The following HOXC10 variants were observed in gnomAD, a reference collection of about 807,000 sequenced individuals.
HOXC10 encodes the protein homeobox protein Hox-C10.
HOXC10 carries 15 observed loss-of-function variants against 26.0 expected under a neutral mutation model. That is an observed-to-expected ratio of 0.58 (90% CI 0.39 to 0.89). The LOEUF (loss-of-function observed/expected upper bound fraction) is 0.89. Among genes scored for constraint, HOXC10 ranks in the 40% least tolerant of loss-of-function variants. The pLI is 0.00. For missense variants in HOXC10, 446 were observed against 451.9 expected (o/e 0.99, Z 0.12); for synonymous variants, 196 against 185.5 (o/e 1.06, Z -0.46).
chr12:53,989,392 A>G lies in HOXC10; in HGVS notation c.975A>G (p.Lys325=), dbSNP rs1297860606. The G allele has an allele frequency of 6.2e-7, 1 of 1,614,096 alleles. No individual in the cohort carries two copies. Reference sequence around the variant, plus strand: ...AAAATCGCAGAATGAAACTCAAGAAAATGAACCGAGAGAATCGGATCCGGG... The same window carrying G: ...AAAATCGCAGAATGAAACTCAAGAAGATGAACCGAGAGAATCGGATCCGGG... ...WFQNRRMKLK[K]MNRENRIREL... Residue 325 remains lysine (K), a synonymous_variant, in exon 2 of 2, where the codon AAA becomes AAG. Transcript: ENST00000303460.
At chr12:53,986,629 CCCTCCCT>C (rs1565719440) in intron 1 of HOXC10, 1 of 152,276 alleles carries the variant, frequency 6.6e-6, no homozygotes. Context: ...CCCGCCACGT[CCCTCCCT>C]CCTCCAGATG....
chr12:53,989,178 A>G lies in HOXC10; in HGVS notation c.761A>G (p.Lys254Arg). 2 of 1,602,588 alleles carry G rather than the reference A, an allele frequency of 1.2e-6. No homozygotes were observed. The highest frequency in any genetic ancestry group is 1.1e-5 in the South Asian group (1 of 88,256). ...ATGTTATTTTTAACAGAGGAGATAA[A>G]GGCAGAAAACACCACAGGAAATTGG... The part of the protein sequence containing the change: ...TSDNEAKEEI[K>R]AENTTGNWLT... Residue 254 changes from lysine to arginine, a missense_variant, in exon 2 of 2, where the codon AAG becomes AGG. By Grantham distance (26) the Lys-to-Arg change is conservative (BLOSUM62 2). Transcript: ENST00000303460.
In HOXC10 at chr12:53,989,733, C is replaced by T; in HGVS notation, c.*287C>T. On this transcript the variant is annotated 3_prime_UTR_variant, in exon 2 of 2. Coordinates refer to ENST00000303460, the MANE Select transcript of HOXC10 (RefSeq NM_017409.4). ...TGTGTCAAGCCCTCACTCACCCACG[C>T]ACTCACACACAGCATTCTGTTCTCC... The T allele has an allele frequency of 4.7e-6, 2 of 422,324 alleles. No homozygotes were observed. Among genetic ancestry groups the T allele is most frequent in the Non-Finnish European group, 8.4e-6 (2 of 237,916 alleles). The allele number at this position is 422,324 out of a possible 1,614,324, so 26.2% of individuals were successfully genotyped here.
rs1939425381 is a variant in HOXC10 at position 53,985,858 on chromosome 12, A to C, written c.599A>C (p.Glu200Ala). The change falls in exon 1 of 2, where the codon GAG becomes GCG. Residue 200 changes from glutamate (E) to alanine (A), a missense_variant. Transcript: ENST00000303460. Reference sequence around the variant, plus strand: ...CTGGGGGGCAAAGTGAGTTTCCCTGAGACCCCCAAGTCCGACAGCCAGACC... The same window carrying C: ...CTGGGGGGCAAAGTGAGTTTCCCTGCGACCCCCAAGTCCGACAGCCAGACC... ...PQLGGKVSFP[E>A]TPKSDSQTPS... 1 of 1,613,668 alleles carries C rather than the reference A, an allele frequency of 6.2e-7. No individual in the cohort carries two copies. Among genetic ancestry groups the C allele is most frequent in the Non-Finnish European group, 8.5e-7 (1 of 1,180,012 alleles).
In HOXC10 at chr12:53,985,511, C is replaced by A; in HGVS notation, c.252C>A (p.Ala84=). Residue 84 remains alanine, a synonymous_variant, in exon 1 of 2, where the codon GCC becomes GCA. Coordinates refer to ENST00000303460, the MANE Select transcript of HOXC10 (RefSeq NM_017409.4). ...TGGACTCCTGGGGCGACCCCAAAGC[C>A]GCCTATCGCCTGGAACAACCTGTTG... ...SQLDSWGDPK[A]AYRLEQPVGR... The A allele has an allele frequency of 6.2e-7, 1 of 1,613,868 alleles. No homozygotes were observed. The highest frequency in any genetic ancestry group is 2.2e-5 in the East Asian group (1 of 44,872).
In HOXC10 at chr12:53,989,460, C is replaced by T. The variant is rs754678586; in HGVS notation, c.*14C>T. On this transcript the variant is annotated 3_prime_UTR_variant, in exon 2 of 2. Coordinates refer to ENST00000303460, the MANE Select transcript of HOXC10 (RefSeq NM_017409.4). ...AATTTCACCTGAGAGCGCGGCCTCT[C>T]CTCCTCCCTTCCCGCTCCTTCCTCT... The T allele has an allele frequency of 2.2e-5, 35 of 1,603,932 alleles. No homozygotes were observed. Among genetic ancestry groups the T allele is most frequent in the Non-Finnish European group, 2.8e-5 (33 of 1,174,018 alleles).
intron 1 of HOXC10, 28 bp from the exon 2 acceptor site, chr12:53,989,141 C>G (rs769506261): frequency 6.3e-7 from 1 of 1,577,666 alleles, no homozygotes; most frequent in Non-Finnish European, 8.6e-7. Flanking sequence ...TCGAGGGATA[C>G]TTATGTAAAT....
rs1229680923 is a variant in HOXC10 at position 53,985,312 on chromosome 12, C to G, written c.53C>G (p.Ala18Gly). Reference protein sequence around the residue: ...TPNSYAEPLAAPGGGERYSRS... With the variant: ...TPNSYAEPLAGPGGGERYSRS... ...AACTCGTACGCGGAGCCCTTGGCTG[C>G]GCCCGGCGGAGGAGAGCGCTATAGC... Residue 18 changes from alanine (A) to glycine (G), a missense_variant, in exon 1 of 2, where the codon GCG becomes GGG. Coordinates refer to ENST00000303460, the MANE Select transcript of HOXC10 (RefSeq NM_017409.4). 6.3e-7 allele frequency: 1 copy of G among 1,594,402 alleles called. No individual in the cohort carries two copies. Among genetic ancestry groups the G allele is most frequent in the Non-Finnish European group, 8.5e-7 (1 of 1,171,390 alleles).
In HOXC10 at chr12:53,985,339, G is replaced by C. The variant is rs778670503; in HGVS notation, c.80G>C (p.Arg27Pro). ...CCCGGCGGAGGAGAGCGCTATAGCC[G>C]GAGCGCAGGCATGTATATGCAGTCT... ...AAPGGGERYS[R>P]SAGMYMQSGS... The change falls in exon 1 of 2, where the codon CGG (arginine) becomes CCG (proline). Residue 27 changes from arginine to proline, a missense_variant. Coordinates refer to ENST00000303460, the MANE Select transcript of HOXC10 (RefSeq NM_017409.4). 4 of 1,612,674 alleles carry C rather than the reference G, an allele frequency of 2.5e-6. No homozygotes were observed. The highest frequency in any genetic ancestry group is 2.5e-6 in the Non-Finnish European group (3 of 1,179,236).
chr12:53,987,242 A>G (rs1254618460), intron 1 of HOXC10, among the ~76,000 whole-genome samples: 1 of 152,108 alleles, frequency 6.6e-6, no homozygotes, highest in Non-Finnish European at 1.5e-5. Context: ...CCTGTGCCAC[A>G]CTCACGCACA....
intron 1 of HOXC10, chr12:53,986,382 T>G: frequency 5.5e-6 from 1 of 182,968 alleles, no homozygotes; most frequent in Non-Finnish European, 1.1e-5. Flanking sequence ...CCAGCTCAGG[T>G]CAGGGGCTTG....
chr12:53,989,102 A>AG, intron 1 of HOXC10, 67 bp from the exon 2 acceptor site: 2 of 1,448,178 alleles, frequency 1.4e-6, no homozygotes, highest in African/African-American at 2.9e-5. Context: ...AGGCTGGCAA[A>AG]GGCTGCAGCG....
chr12:53,985,594 G>C lies in HOXC10; in HGVS notation c.335G>C (p.Cys112Ser). The C allele has an allele frequency of 6.2e-7, 1 of 1,613,876 alleles. No homozygotes were observed. The highest frequency in any genetic ancestry group is 1.3e-5 in the African/African-American group (1 of 75,064). The change falls in exon 1 of 2, where the codon TGC (cysteine) becomes TCC (serine). Residue 112 changes from cysteine to serine, a missense_variant. Cys to Ser is a moderately radical substitution (Grantham distance 112). Transcript: ENST00000303460. ...PPSVKEENVC[C>S]MYSAEKRAKS... is the part of the protein sequence containing the mutation. ...AGTGTCAAGGAGGAGAATGTCTGCTGCATGTACAGCGCAGAGAAGCGGGCG... is the reference window on the plus strand; with the variant it reads ...AGTGTCAAGGAGGAGAATGTCTGCTCCATGTACAGCGCAGAGAAGCGGGCG...
chr12:53,985,365 G>A lies in HOXC10; in HGVS notation c.106G>A (p.Gly36Arg), dbSNP rs1485696188. The A allele has an allele frequency of 1.2e-6, 2 of 1,613,970 alleles. No individual in the cohort carries two copies. Among genetic ancestry groups the A allele is most frequent in the African/African-American group, 1.3e-5 (1 of 74,940 alleles). The change falls in exon 1 of 2, where the codon GGG becomes AGG. Residue 36 changes from glycine to arginine, a missense_variant. Gly to Arg is a moderately radical substitution (Grantham distance 125). Transcript: ENST00000303460. ...GAGCGCAGGCATGTATATGCAGTCT[G>A]GGAGTGACTTCAATTGCGGGGTGAT... ...SRSAGMYMQSGSDFNCGVMRG... is the reference protein window; with the variant it reads ...SRSAGMYMQSRSDFNCGVMRG...
chr12:53,987,765 AAG>A (rs1314047770), intron 1 of HOXC10, among the ~76,000 whole-genome samples: 2 of 152,096 alleles, frequency 1.3e-5, no homozygotes, highest in African/African-American at 4.8e-5. Flanking sequence ...GGCCAGAGGC[AAG>A]AGAGCTTTTG....
chr12:53,985,209 T>C lies in HOXC10; in HGVS notation c.-51T>C. On this transcript the variant is annotated 5_prime_UTR_variant, in exon 1 of 2. The change abolishes an upstream ATG in the 5' untranslated region. Transcript: ENST00000303460. ...CCTCCCGGATGGGGAAAAAAAAAGA[T>C]GTCAGCTCCTCCGCTGTAGTATTGC... 1 of 1,113,818 alleles carries C rather than the reference T, an allele frequency of 9.0e-7. No individual in the cohort carries two copies. The highest frequency in any genetic ancestry group is 1.1e-6 in the Non-Finnish European group (1 of 902,108). The allele number at this position is 1,113,818 out of a possible 1,614,324, so 69.0% of individuals were successfully genotyped here. A position where few individuals can be genotyped will look rare whatever the true frequency, so the allele number is the denominator to read the frequency against.
chr12:53,989,646 G>T lies in HOXC10; in HGVS notation c.*200G>T. On this transcript the variant is annotated 3_prime_UTR_variant, in exon 2 of 2. Transcript: ENST00000303460. Reference sequence around the variant, plus strand: ...TTCCACTTAAAGCATGAGAAATGGGGTGCCGGGATGTGGGGTGTGGTGTGT... The same window carrying T: ...TTCCACTTAAAGCATGAGAAATGGGTTGCCGGGATGTGGGGTGTGGTGTGT... 1.6e-6 allele frequency: 1 copy of T among 607,450 alleles called. No individual in the cohort carries two copies. 37.6% of individuals were successfully genotyped at this position (607,450 alleles called of 1,614,324 possible).
rs1939406531 is a variant in HOXC10 at position 53,985,149 on chromosome 12, C to A, written c.-111C>A. On this transcript the variant is annotated 5_prime_UTR_variant, in exon 1 of 2. Coordinates refer to ENST00000303460, the MANE Select transcript of HOXC10 (RefSeq NM_017409.4). ...CGGAGCTGATATTTCCCCCCCTCCC[C>A]TTCTTTTTCCTCCCTCCCCTCCAAC... 1 of 780,398 alleles carries A rather than the reference C, an allele frequency of 1.3e-6. No homozygotes were observed. The highest frequency in any genetic ancestry group is 2.8e-5 in the Admixed American group (1 of 36,160). 48.3% of individuals were successfully genotyped at this position (780,398 alleles called of 1,614,324 possible). A position where few individuals can be genotyped will look rare whatever the true frequency, so the allele number is the denominator to read the frequency against.
chr12:53,989,609 C>G lies in HOXC10; in HGVS notation c.*163C>G. ...CCTTCCAAGGGACCTGTGGTTCGTG[C>G]TGCGAAGATGCTTCCACTTAAAGCA... On this transcript the variant is annotated 3_prime_UTR_variant, in exon 2 of 2. Coordinates refer to ENST00000303460, the MANE Select transcript of HOXC10 (RefSeq NM_017409.4). 2.9e-6 allele frequency: 2 copies of G among 694,888 alleles called. No homozygotes were observed. The highest frequency in any genetic ancestry group is 4.8e-6 in the Non-Finnish European group (2 of 419,048). 43.0% of individuals were successfully genotyped at this position (694,888 alleles called of 1,614,324 possible).
Sources: gnomAD v4.1 joint callset for allele counts (sites outside exome capture counted in the v4.1 genomes callset) on GRCh38, gnomAD v4.1.1 for gene constraint, MANE v1.5 for transcripts, NCBI Gene and HGNC (gene_info 2026-07-23, HGNC 2026-07-21) for gene names.